The following FRMD5 variants were observed in gnomAD, a reference collection of about 807,000 sequenced individuals.
FRMD5 encodes the protein FERM domain-containing protein 5.
Under a neutral mutation model 69.0 loss-of-function variants are expected in FRMD5, and 20 were observed. That is an observed-to-expected ratio of 0.29 (90% confidence interval 0.20 to 0.42). The LOEUF (loss-of-function observed/expected upper bound fraction) is 0.42, where lower values mean the gene tolerates loss of function less well. Ranked by LOEUF, FRMD5 falls within the 10% of genes least tolerant of loss-of-function variation. The probability of loss-of-function intolerance (pLI) is 1.00; values close to 1 mark genes in which losing one functional copy is unlikely to be tolerated. For missense variants in FRMD5, 595 were observed against 708.6 expected, an observed-to-expected ratio of 0.84 and a Z score of 1.82; for synonymous variants, 271 against 260.1, an observed-to-expected ratio of 1.04 and a Z score of -0.40.
At chr15:44,110,893 C>CT (rs1035440615) in intron 1 of FRMD5, among the ~76,000 whole-genome samples, 13 of 152,216 alleles carry the variant, frequency 8.5e-5, no homozygotes, top group African/African-American at 2.9e-4. Context: ...TATTATTGCC[C>CT]TTTTCTATCA....
chr15:43,912,405 GGAGA>G (rs1291856866), intron 4 of FRMD5, among the ~76,000 whole-genome samples: 1 of 152,086 alleles, frequency 6.6e-6, no homozygotes, highest in African/African-American at 2.4e-5. Flanking sequence ...ACGGTGTGTG[GGAGA>G]GAGTGAGTGA....
At chr15:43,931,188 T>C (rs2089668268) in intron 1 of FRMD5, among the ~76,000 whole-genome samples, 1 of 152,242 alleles carries the variant, frequency 6.6e-6, no homozygotes, top group African/African-American at 2.4e-5. Context: ...GTAAGGTGAC[T>C]CTTAAAAGCA....
chr15:43,950,000 T>C (rs1236251830), intron 1 of FRMD5, among the ~76,000 whole-genome samples: 1 of 152,224 alleles, frequency 6.6e-6, no homozygotes, highest in Non-Finnish European at 1.5e-5. Flanking sequence ...GGAACTTGCA[T>C]TGGTCATCAC....
intron 5 of FRMD5, among the ~76,000 whole-genome samples, chr15:43,906,606 T>A (rs141461099): frequency 2.6e-5 from 4 of 151,258 alleles, no homozygotes; most frequent in Admixed American, 6.6e-5. Flanking sequence ...TCTTTTTTTT[T>A]GTTTGTTTGT....
intron 1 of FRMD5, among the ~76,000 whole-genome samples, chr15:44,157,571 C>T (rs963685919): frequency 4.6e-5 from 7 of 152,114 alleles, no homozygotes; most frequent in African/African-American, 1.7e-4. Flanking sequence ...GTTCAATGTG[C>T]TAAAACAGAA....
At chr15:44,098,452 G>A (rs978968259) in intron 1 of FRMD5, among the ~76,000 whole-genome samples, 3 of 151,106 alleles carry the variant, frequency 2.0e-5, no homozygotes, top group Non-Finnish European at 4.4e-5. Context: ...TTGAACTCAG[G>A]AGGCAGAGGT....
At chr15:43,885,547 G>A (rs2088642061) in intron 11 of FRMD5, 134 bp downstream of exon 11, 2 of 722,004 alleles carry the variant, frequency 2.8e-6, no homozygotes, top group Non-Finnish European at 5.0e-6. Flanking sequence ...TCATAAGATG[G>A]GAGAATTAGA....
At chr15:44,026,606 T>C (rs1891440106) in intron 1 of FRMD5, among the ~76,000 whole-genome samples, 1 of 152,210 alleles carries the variant, frequency 6.6e-6, no homozygotes, top group African/African-American at 2.4e-5. Context: ...TCTATCACAA[T>C]AAAGTATCCG....
chr15:43,981,829 G>T (rs572372020), intron 1 of FRMD5, among the ~76,000 whole-genome samples: 2 of 152,144 alleles, frequency 1.3e-5, no homozygotes, highest in African/African-American at 4.8e-5. Flanking sequence ...AAATTCTCAG[G>T]TGTGGTGTCT....
At chr15:44,195,576 A>G (rs1323041671), upstream of FRMD5, among the ~76,000 whole-genome samples, 1 of 152,180 alleles carries the variant, frequency 6.6e-6, no homozygotes, top group Non-Finnish European at 1.5e-5. Flanking sequence ...GCCGCCTGAA[A>G]TACACTTGAT....
intron 1 of FRMD5, among the ~76,000 whole-genome samples, chr15:43,937,695 G>A (rs1239743132): frequency 6.6e-6 from 1 of 151,686 alleles, no homozygotes; most frequent in Non-Finnish European, 1.5e-5. Context: ...ATGGAAAAGA[G>A]GGGGAGAAAG....
At chr15:43,989,960 T>C (rs1566883203) in intron 1 of FRMD5, 1 of 1,092,272 alleles carries the variant, frequency 9.2e-7, no homozygotes, top group East Asian at 2.5e-5. Flanking sequence ...GTGGTGACAA[T>C]GTCCTGCTTG....
Position 43,874,095 on chromosome 15 carries a change from G to A in FRMD5, c.1503C>T (p.Val501=). The change falls in exon 14 of 14, where the codon GTC becomes GTT. Residue 501 remains valine (V), a synonymous_variant. Transcript: ENST00000417257. ...EEQVNKFVLS[V]LRLLLVTMGL... ...CCATGGTCACAAGGAGCAAACGGAG[G>A]ACACTTAGAACAAACTTATTCACCT... The A allele has an allele frequency of 6.2e-7, 1 of 1,614,228 alleles. No individual in the cohort carries two copies. Among genetic ancestry groups the A allele is most frequent in the Non-Finnish European group, 8.5e-7 (1 of 1,180,046 alleles).
At chr15:43,922,668 CTTT>C (rs397970648) in intron 2 of FRMD5, among the ~76,000 whole-genome samples, 7 of 139,742 alleles carry the variant, frequency 5.0e-5, no homozygotes, top group Admixed American at 1.4e-4. Flanking sequence ...ACTGGCCCTC[CTTT>C]TTTTTTTTTT....
chr15:44,110,457 T>C (rs2076781574), intron 1 of FRMD5, among the ~76,000 whole-genome samples: 1 of 152,260 alleles, frequency 6.6e-6, no homozygotes, highest in South Asian at 2.1e-4. Flanking sequence ...TTCAGGTTTG[T>C]AATAAACTGC....
At chr15:43,878,228 C>T (rs547165899) in intron 13 of FRMD5, among the ~76,000 whole-genome samples, 4 of 152,096 alleles carry the variant, frequency 2.6e-5, no homozygotes, top group East Asian at 1.9e-4. Flanking sequence ...TGAGCCACCA[C>T]GCCCAGCCCC....
intron 1 of FRMD5, among the ~76,000 whole-genome samples, chr15:44,161,529 A>G (rs2077615949): frequency 6.6e-6 from 1 of 152,204 alleles, no homozygotes; most frequent in Admixed American, 6.5e-5. Flanking sequence ...ATGCTTAACT[A>G]TTAAGGTTAT....
chr15:43,926,717 A>G (rs1304601374), intron 1 of FRMD5, among the ~76,000 whole-genome samples: 3 of 151,750 alleles, frequency 2.0e-5, no homozygotes, highest in South Asian at 2.1e-4. Context: ...TCCTCTTCTG[A>G]GACAGGAATA....
At chr15:44,088,345 T>A (rs537288156) in intron 1 of FRMD5, among the ~76,000 whole-genome samples, 1 of 152,222 alleles carries the variant, frequency 6.6e-6, no homozygotes, top group East Asian at 1.9e-4. Context: ...CAACCCCTAA[T>A]CTACTTTGTG....
Sources: allele counts gnomAD v4.1 joint callset (sites outside exome capture counted in the v4.1 genomes callset), GRCh38; gene constraint gnomAD v4.1.1; transcripts MANE v1.5; gene names NCBI Gene and HGNC (gene_info 2026-07-23, HGNC 2026-07-21).